Variants in ALPL observed in about 807,000 individuals in gnomAD.
ALPL encodes the protein alkaline phosphatase, tissue-nonspecific isozyme.
In ALPL, 42 loss-of-function variants were observed where a neutral mutation model predicts 51.3. The observed-to-expected ratio is 0.82, with a 90% CI of 0.64 to 1.06. The LOEUF (loss-of-function observed/expected upper bound fraction) is 1.06. Among genes scored for constraint, ALPL ranks in the 50% least tolerant of loss-of-function variants. The pLI is 0.00. For synonymous variants in ALPL, 279 were observed against 296.4 expected, an observed-to-expected ratio of 0.94 and a Z score of 0.60; for missense variants, 589 against 709.4, an observed-to-expected ratio of 0.83 and a Z score of 1.93.
At position 21,577,517 on chromosome 1, in the gene ALPL, C is replaced by A. The variant is rs780857373; in HGVS notation, c.1444C>A (p.His482Asn). 9.3e-6 allele frequency: 15 copies of A among 1,607,904 alleles called. No individual in the cohort carries two copies. The highest frequency in any genetic ancestry group is 7.6e-6 in the Non-Finnish European group (9 of 1,179,912). ...CGTCCACGAGCAGAACTACGTCCCC[C>A]ACGTGATGGCGTATGCAGCCTGCAT... Reference protein sequence around the residue: ...HGVHEQNYVPHVMAYAACIGA... With the variant: ...HGVHEQNYVPNVMAYAACIGA... Residue 482 changes from histidine to asparagine, a missense_variant, in exon 12 of 12, where the codon CAC (histidine) becomes AAC (asparagine). Transcript: ENST00000374840.
At chr1:21,533,723 T>G (rs1644059689) in intron 1 of ALPL, among the ~76,000 whole-genome samples, 1 of 151,802 alleles carries the variant, frequency 6.6e-6, no homozygotes, top group Middle Eastern at 3.2e-3. Flanking sequence ...GAGTTCGAGA[T>G]CAGCCTGGCC....
rs1644683578 is a variant in ALPL, at chr1:21,573,659, C to T, written c.863-6C>T. On this transcript the variant is annotated splice_region_variant and splice_polypyrimidine_tract_variant and intron_variant, in intron 8 of 11. Coordinates refer to ENST00000374840, the MANE Select transcript of ALPL (RefSeq NM_000478.6). Reference sequence around the variant, plus strand: ...AGCATCCACATCCTCCTGGCGTCCTCCTCAGGTCTCTTCGAGCCAGGGGAC... The same window carrying T: ...AGCATCCACATCCTCCTGGCGTCCTTCTCAGGTCTCTTCGAGCCAGGGGAC... The T allele has an allele frequency of 6.2e-7, 1 of 1,613,630 alleles. No individual in the cohort carries two copies. Among genetic ancestry groups the T allele is most frequent in the Non-Finnish European group, 8.5e-7 (1 of 1,179,908 alleles).
At chr1:21,577,059 C>T (rs927608496) in intron 11 of ALPL, among the ~76,000 whole-genome samples, 7 of 152,134 alleles carry the variant, frequency 4.6e-5, no homozygotes, top group African/African-American at 1.4e-4. Flanking sequence ...ATCATTCATT[C>T]GTTCTTGATA....
chr1:21,559,321 T>C (rs1429298365), intron 2 of ALPL, among the ~76,000 whole-genome samples: 1 of 152,186 alleles, frequency 6.6e-6, no homozygotes, highest in African/African-American at 2.4e-5. Context: ...GCCAGGGTCC[T>C]GGTCCAGCCC....
intron 1 of ALPL, among the ~76,000 whole-genome samples, chr1:21,524,488 C>T (rs1402855174): frequency 1.3e-5 from 2 of 151,918 alleles, no homozygotes; most frequent in African/African-American, 4.8e-5. Flanking sequence ...ATAGCAAGAT[C>T]CCATCTCTAA....
chr1:21,562,998 G>A, intron 4 of ALPL, 112 bp from the exon 5 acceptor site: 1 of 1,421,354 alleles, frequency 7.0e-7, no homozygotes, highest in Non-Finnish European at 9.9e-7. Context: ...TCAAGGCTAT[G>A]GGGTCCTCTC....
At chr1:21,523,093 A>G (rs1276249950) in intron 1 of ALPL, among the ~76,000 whole-genome samples, 1 of 152,106 alleles carries the variant, frequency 6.6e-6, no homozygotes, top group Non-Finnish European at 1.5e-5. Flanking sequence ...TGAGACCAGC[A>G]TGGCCAACAT....
At position 21,576,202 on chromosome 1, in the gene ALPL, CTGGATGATGGA is replaced by C. The variant is rs1336956684; in HGVS notation, c.1189+296_1190-292del. ...TAGATGAATGAGAGAGGATGGCTGG[CTGGATGATGGA>C]TGGATGATGGATGGATGGATGGATG... On this transcript the variant is annotated intron_variant, in intron 10 of 11. Coordinates refer to ENST00000374840, the MANE Select transcript of ALPL (RefSeq NM_000478.6). 8.8e-5 allele frequency among the ~76,000 whole-genome samples: 12 copies of C among 136,940 alleles called. No individual in the cohort carries two copies. In the East Asian group the frequency reaches 1.0e-3, roughly 11 times the overall value. 89.8% of individuals were successfully genotyped at this position (136,940 alleles called of 152,430 possible). A position where few individuals can be genotyped will look rare whatever the true frequency, so the allele number is the denominator to read the frequency against.
intron 2 of ALPL, among the ~76,000 whole-genome samples, chr1:21,555,382 G>T (rs1644399458): frequency 1.3e-5 from 2 of 152,182 alleles, no homozygotes; most frequent in Admixed American, 1.3e-4. Context: ...GGTCACAGGG[G>T]ATATGATGGC....
intron 2 of ALPL, among the ~76,000 whole-genome samples, chr1:21,558,174 T>C (rs2148146061): frequency 6.6e-6 from 1 of 152,340 alleles, no homozygotes; most frequent in African/African-American, 2.4e-5. Context: ...ACAAGGACTC[T>C]GCCCTTGTGG....
rs1215600806 is a variant in ALPL at position 21,564,100 on chromosome 1, T to C, written c.532T>C (p.Tyr178His). The change falls in exon 6 of 12, where the codon TAC becomes CAC. Residue 178 changes from tyrosine to histidine, a missense_variant. Physicochemically the swap from Tyr to His is moderately conservative, Grantham distance 83 (BLOSUM62 2). Coordinates refer to ENST00000374840, the MANE Select transcript of ALPL (RefSeq NM_000478.6). The surrounding 1 kb of genome is among the most constrained non-coding windows in gnomAD (Gnocchi z 5.8). Reference protein sequence around the residue: ...RVNHATPSAAYAHSADRDWYS... With the variant: ...RVNHATPSAAHAHSADRDWYS... ...GAACCATGCCACCCCCAGCGCCGCC[T>C]ACGCCCACTCGGCTGACCGGGACTG... is the stretch of plus-strand genomic sequence containing the variant. 5 of 1,614,012 alleles carry C rather than the reference T, an allele frequency of 3.1e-6. No individual in the cohort carries two copies. The East Asian group carries it at 1.1e-4, about 36-fold the overall frequency.
chr1:21,544,571 C>T (rs1283640669), intron 1 of ALPL, among the ~76,000 whole-genome samples: 2 of 151,570 alleles, frequency 1.3e-5, no homozygotes, highest in East Asian at 1.9e-4. Flanking sequence ...GGTGAAACCC[C>T]GTCTCTACTA....
intron 11 of ALPL, among the ~76,000 whole-genome samples, chr1:21,577,085 G>T (rs1644747565): frequency 6.6e-6 from 1 of 152,254 alleles, no homozygotes; most frequent in Middle Eastern, 3.4e-3. Flanking sequence ...AGTGGTTCTA[G>T]GGGGTCTAAA....
intron 6 of ALPL, among the ~76,000 whole-genome samples, chr1:21,567,700 T>A (rs1032612457): frequency 6.6e-6 from 1 of 152,244 alleles, no homozygotes; most frequent in Non-Finnish European, 1.5e-5. Flanking sequence ...TGTGCCCATT[T>A]TTTTAGTTGG....
At chr1:21,527,848 C>T (rs1643969338) in intron 1 of ALPL, among the ~76,000 whole-genome samples, 1 of 152,120 alleles carries the variant, frequency 6.6e-6, no homozygotes, top group African/African-American at 2.4e-5. Flanking sequence ...CACGCCCGGC[C>T]AGCCTTTAAC....
chr1:21,540,579 C>T (rs1189381841), intron 1 of ALPL, among the ~76,000 whole-genome samples: 3 of 152,344 alleles, frequency 2.0e-5, no homozygotes, highest in South Asian at 2.1e-4. Flanking sequence ...CTGCTCTCCA[C>T]CAGGCCGTGC....
chr1:21,557,430 G>A (rs369867779), intron 2 of ALPL, among the ~76,000 whole-genome samples: 1 of 152,236 alleles, frequency 6.6e-6, no homozygotes, highest in Admixed American at 6.5e-5. Flanking sequence ...CTGAGACCTC[G>A]TGGTGCCATT....
At chr1:21,559,536 T>C (rs1213517592) in intron 2 of ALPL, among the ~76,000 whole-genome samples, 6 of 152,038 alleles carry the variant, frequency 3.9e-5, no homozygotes, top group Non-Finnish European at 7.4e-5. Context: ...TTGTTTGTTT[T>C]TGAGACGGAG....
At chr1:21,523,392 C>T (rs929934569) in intron 1 of ALPL, among the ~76,000 whole-genome samples, 12 of 152,246 alleles carry the variant, frequency 7.9e-5, no homozygotes, top group Non-Finnish European at 1.8e-4. Context: ...CACCAGCACT[C>T]AGGCTGTGGC....
Sources: allele counts gnomAD v4.1 joint callset (sites outside exome capture counted in the v4.1 genomes callset), GRCh38; gene constraint gnomAD v4.1.1; non-coding constraint Gnocchi (gnomAD v3.1); transcripts MANE v1.5; gene names NCBI Gene and HGNC (gene_info 2026-07-23, HGNC 2026-07-21).